Variants in EFR3A observed in about 807,000 individuals in gnomAD.
EFR3A encodes protein EFR3 homolog A.
In EFR3A, 76 loss-of-function variants were observed where a neutral mutation model predicts 104.4. That is an observed-to-expected ratio of 0.73 (90% CI 0.60 to 0.88). EFR3A has a LOEUF of 0.88. Ranked by LOEUF, EFR3A falls within the 40% of genes least tolerant of loss-of-function variation. The pLI is 0.00. For missense variants in EFR3A, 985 were observed against 1,012.5 expected, an observed-to-expected ratio of 0.97 and a Z score of 0.37; for synonymous variants, 330 against 330.0, an observed-to-expected ratio of 1.00 and a Z score of 0.00.
chr8:131,998,689 GC>G (rs1821628262), intron 19 of EFR3A, among the ~76,000 whole-genome samples: 1 of 151,924 alleles, frequency 6.6e-6, no homozygotes, highest in African/African-American at 2.4e-5. Context: ...ATGTGCTGAT[GC>G]CATAAAATGT....
At chr8:131,965,765 T>G (rs1371541381) in intron 8 of EFR3A, among the ~76,000 whole-genome samples, 1 of 151,980 alleles carries the variant, frequency 6.6e-6, no homozygotes, top group Non-Finnish European at 1.5e-5. Context: ...TGCACACGTA[T>G]GTTTATTGCG....
chr8:131,925,732 G>T (rs955406813), intron 1 of EFR3A, among the ~76,000 whole-genome samples: 9 of 152,118 alleles, frequency 5.9e-5, no homozygotes, highest in African/African-American at 2.2e-4. Context: ...GCTATATTAA[G>T]TATAGTGAGT....
chr8:131,987,720 A>G lies in EFR3A; in HGVS notation c.2065+18A>G. ...AGTAACAGGTAAGAGGAGGATAATT[A>G]GAACTTTCACTCTGGTGATTGCTTA... On this transcript the variant is annotated intron_variant, in intron 18 of 22. Transcript: ENST00000254624. 1.9e-6 allele frequency: 3 copies of G among 1,568,914 alleles called. No homozygotes were observed. The highest frequency in any genetic ancestry group is 2.6e-6 in the Non-Finnish European group (3 of 1,158,248).
Position 131,946,629 on chromosome 8 carries a change from A to G in EFR3A, c.362A>G (p.Asn121Ser). The change falls in exon 4 of 23, where the codon AAT (asparagine) becomes AGT (serine). Residue 121 changes from asparagine (N) to serine (S), a missense_variant. Asn to Ser is a conservative substitution (Grantham distance 46). Transcript: ENST00000254624. Reference sequence around the variant, plus strand: ...CCAAAGCTTCAAGTTCTTGGAACAAATTCTGTGAGTAAAACTATTCTGTTA... The same window carrying G: ...CCAAAGCTTCAAGTTCTTGGAACAAGTTCTGTGAGTAAAACTATTCTGTTA... ...GEPKLQVLGTNSFVKFANIEE... is the reference protein window; with the variant it reads ...GEPKLQVLGTSSFVKFANIEE... 1 of 1,594,942 alleles carries G rather than the reference A, an allele frequency of 6.3e-7. No homozygotes were observed. The highest frequency in any genetic ancestry group is 8.5e-7 in the Non-Finnish European group (1 of 1,171,444).
chr8:131,983,514 A>G (rs1418515649), intron 14 of EFR3A, among the ~76,000 whole-genome samples: 4 of 152,030 alleles, frequency 2.6e-5, no homozygotes, highest in Non-Finnish European at 5.9e-5. Flanking sequence ...TATAATAATA[A>G]ATAATAAATC....
At position 131,986,257 on chromosome 8, in the gene EFR3A, T is replaced by G. The variant is rs777100234; in HGVS notation, c.1933T>G (p.Cys645Gly). 1.9e-6 allele frequency: 3 copies of G among 1,555,802 alleles called. No individual in the cohort carries two copies. In the South Asian group the frequency reaches 3.4e-5, roughly 18 times the overall value. Residue 645 changes from cysteine (C) to glycine (G), a missense_variant, in exon 17 of 23, where the codon TGC becomes GGC. By Grantham distance (159) the Cys-to-Gly change is radical (BLOSUM62 -3). Coordinates refer to ENST00000254624, the MANE Select transcript of EFR3A (RefSeq NM_015137.6). ...ACCAGAGCATATCTTCAGAGATAAG[T>G]GCATGTATGTTAATTCTTTACATTT... The part of the protein sequence containing the change: ...FLPEHIFRDK[C>G]MLPKSLEKHE...
intron 17 of EFR3A, 128 bp from the exon 18 acceptor site, chr8:131,987,447 G>A: frequency 9.6e-7 from 1 of 1,042,114 alleles, no homozygotes. Context: ...TGATTTTTCT[G>A]CTACTACAGT....
Position 131,905,073 on chromosome 8 carries a change from C to G in EFR3A, c.10+751C>G, listed in dbSNP as rs938533520. On this transcript the variant is annotated intron_variant, in intron 1 of 22. Transcript: ENST00000254624. The stretch of plus-strand genomic sequence containing the variant: ...CGATACTACAAGTACTGCTAATGAC[C>G]TATTTTAAAATGACCCAGATAATCG... Among the ~76,000 whole-genome samples, 4 of 152,164 alleles carry G rather than the reference C, an allele frequency of 2.6e-5. No individual in the cohort carries two copies. In the East Asian group the frequency reaches 7.7e-4, roughly 29 times the overall value.
chr8:132,008,837 A>G (rs1822169988), intron 22 of EFR3A, among the ~76,000 whole-genome samples: 1 of 126,716 alleles, frequency 7.9e-6, no homozygotes, highest in African/African-American at 3.0e-5. Context: ...CAAGAGTAAA[A>G]CTCCATCTCA....
At chr8:131,986,789 C>CAAAA (rs10569128) in intron 17 of EFR3A, among the ~76,000 whole-genome samples, 4 of 67,978 alleles carry the variant, frequency 5.9e-5, no homozygotes, top group African/African-American at 1.0e-4. Flanking sequence ...GACTCCATCT[C>CAAAA]AAAAAAAAAA....
chr8:132,008,123 G>C (rs755330598), intron 22 of EFR3A, among the ~76,000 whole-genome samples: 1 of 151,922 alleles, frequency 6.6e-6, no homozygotes, highest in Admixed American at 6.6e-5. Flanking sequence ...ACCATTAAAA[G>C]ACTCCAGTAA....
At chr8:132,000,508 G>C (rs551532246) in intron 19 of EFR3A, among the ~76,000 whole-genome samples, 1 of 152,128 alleles carries the variant, frequency 6.6e-6, no homozygotes, top group Non-Finnish European at 1.5e-5. Flanking sequence ...TGAAGAGTTA[G>C]TAGGGTAAGG....
chr8:131,953,017 C>T (rs1818783889), intron 5 of EFR3A, among the ~76,000 whole-genome samples: 1 of 152,074 alleles, frequency 6.6e-6, no homozygotes, highest in African/African-American at 2.4e-5. Context: ...ACTCATTGGG[C>T]CACCAAGTTA....
chr8:131,974,030 C>A (rs893592441), intron 10 of EFR3A, among the ~76,000 whole-genome samples: 1 of 152,138 alleles, frequency 6.6e-6, no homozygotes, highest in Non-Finnish European at 1.5e-5. Context: ...TGACCATATA[C>A]TTGGGAGACA....
At chr8:131,950,132 G>C (rs1408901422) in intron 5 of EFR3A, 42 bp downstream of exon 5, 2 of 1,528,224 alleles carry the variant, frequency 1.3e-6, no homozygotes, top group Non-Finnish European at 1.8e-6. Context: ...AAGTAATTTA[G>C]AGATTAATAT....
intron 1 of EFR3A, among the ~76,000 whole-genome samples, chr8:131,933,858 T>A (rs1469874715): frequency 6.6e-6 from 1 of 152,026 alleles, no homozygotes. Flanking sequence ...GTACAAGAGT[T>A]TTGTCTGTGT....
rs564870269 is a variant in EFR3A, at chr8:131,985,399, TTATTC to T, written c.1869+342_1869+346del. 4.0e-3 allele frequency among the ~76,000 whole-genome samples: 613 copies of T among 152,298 alleles called. 2 individuals are homozygous for T. The highest frequency in any genetic ancestry group is 6.0e-3 in the Non-Finnish European group (410 of 68,026). On this transcript the variant is annotated intron_variant, in intron 16 of 22. Transcript: ENST00000254624. ...TTCTTAAATTATACTCTTTTGTTGT[TTATTC>T]TAAACTACTTGAGGCAGATCTCAAA...
At chr8:131,949,575 A>T (rs1438577560) in intron 4 of EFR3A, among the ~76,000 whole-genome samples, 1 of 152,122 alleles carries the variant, frequency 6.6e-6, no homozygotes. Flanking sequence ...AGGCCAAGGC[A>T]GGAGGATCAT....
chr8:131,989,014 TC>T (rs879747039), intron 18 of EFR3A, among the ~76,000 whole-genome samples: 12 of 152,244 alleles, frequency 7.9e-5, no homozygotes, highest in Admixed American at 3.9e-4. Context: ...CCCTGATTCC[TC>T]CCATCCCTAA....
Sources: allele counts gnomAD v4.1 joint callset (sites outside exome capture counted in the v4.1 genomes callset), GRCh38; gene constraint gnomAD v4.1.1; transcripts MANE v1.5; gene names NCBI Gene and HGNC (gene_info 2026-07-23, HGNC 2026-07-21).